The following PANK4 variants were observed in gnomAD, a reference collection of about 807,000 sequenced individuals.
PANK4 encodes the protein pantothenate kinase 4 (inactive).
In PANK4, 40 loss-of-function variants were observed where a neutral mutation model predicts 87.9. The observed-to-expected ratio is 0.46, with a 90% confidence interval of 0.35 to 0.59. PANK4 has a LOEUF of 0.59. PANK4 is among the 20% of genes least tolerant of loss of function. The probability of loss-of-function intolerance (pLI) is 0.00; values close to 1 mark genes in which losing one functional copy is unlikely to be tolerated. For missense variants in PANK4, 926 were observed against 1,072.3 expected, an observed-to-expected ratio of 0.86 and a Z score of 1.90; for synonymous variants, 524 against 467.4, an observed-to-expected ratio of 1.12 and a Z score of -1.56.
At position 2,518,166 on chromosome 1, in the gene PANK4, T is replaced by C. The variant is rs1643817057; in HGVS notation, c.1216A>G (p.Thr406Ala). The change falls in exon 9 of 19, where the codon ACT becomes GCT. Residue 406 changes from threonine (T) to alanine (A), a missense_variant and splice_region_variant. Transcript: ENST00000378466. ...GGCGGCCAGAGCCCACTACTCACAG[T>C]GCCACTCCGCGCCCGCTGCGCCGGG... ...LGPAQRARSG[T>A]FDLLEMDRLE... 1 of 1,599,714 alleles carries C rather than the reference T, an allele frequency of 6.3e-7. No homozygotes were observed. Among genetic ancestry groups the C allele is most frequent in the East Asian group, 2.2e-5 (1 of 44,804 alleles).
rs568212591 is a variant in PANK4, at chr1:2,509,342, G to A, written c.2109-282C>T. On this transcript the variant is annotated intron_variant, in intron 18 of 18. Coordinates refer to ENST00000378466, the MANE Select transcript of PANK4 (RefSeq NM_018216.4). The surrounding 1 kb of genome is among the most constrained non-coding windows in gnomAD (Gnocchi z 4.9). ...TCATTTTCACGCCCTCCTTGTTGGTGAGAGTGGGGCTGGGGCACAGATGAA... is the reference window on the plus strand; with the variant it reads ...TCATTTTCACGCCCTCCTTGTTGGTAAGAGTGGGGCTGGGGCACAGATGAA... Among the ~76,000 whole-genome samples, 104 of 152,316 alleles carry A rather than the reference G, an allele frequency of 6.8e-4. 1 individual carries two copies. The highest frequency in any genetic ancestry group is 2.5e-3 in the African/African-American group (103 of 41,556).
chr1:2,511,282 C>G, intron 15 of PANK4, 56 bp downstream of exon 15: 2 of 1,259,160 alleles, frequency 1.6e-6, no homozygotes, highest in Non-Finnish European at 2.3e-6. Flanking sequence ...CCAGTGACCA[C>G]CCCCCCGGGC....
rs768894125 is a variant in PANK4 at position 2,519,262 on chromosome 1, G to A, written c.916C>T (p.Leu306=). Residue 306 remains leucine (L), a synonymous_variant, in exon 7 of 19, where the codon CTG becomes TTG. Coordinates refer to ENST00000378466, the MANE Select transcript of PANK4 (RefSeq NM_018216.4). The surrounding 1 kb of genome is among the most constrained non-coding windows in gnomAD (Gnocchi z 8.3). ...LHMISNDIGQ[L]ACLHARLHSL... ...TGCAGCCGTGCGTGGAGGCAGGCCA[G>A]CTGCCCAATGTCGTTGCTGATCATG... 6.2e-6 allele frequency: 10 copies of A among 1,612,382 alleles called. No homozygotes were observed. In the African/African-American group the frequency reaches 6.7e-5, roughly 11 times the overall value.
At position 2,520,931 on chromosome 1, in the gene PANK4, A is replaced by G. The variant is rs1643869785; in HGVS notation, c.423-25T>C. The G allele has an allele frequency of 2.6e-6, 4 of 1,541,684 alleles. No homozygotes were observed. The East Asian group carries it at 9.0e-5, about 35-fold the overall frequency. On this transcript the variant is annotated intron_variant, in intron 3 of 18. Coordinates refer to ENST00000378466, the MANE Select transcript of PANK4 (RefSeq NM_018216.4). This position sits in a 1 kb window ranked among gnomAD's most constrained non-coding sequence, Gnocchi z 6.2. Reference sequence around the variant, plus strand: ...TCTGAAAAGGAAGCGCCAACCCCTTAAAGAGTCTGGGCCACAGACAGGTGC... The same window carrying G: ...TCTGAAAAGGAAGCGCCAACCCCTTGAAGAGTCTGGGCCACAGACAGGTGC...
rs1361489279 is a variant in PANK4, at chr1:2,519,877, G to A, written c.777C>T (p.Gly259=). The part of the protein sequence containing the change: ...NVDMLVRDVY[G]GAHQTLGLSG... ...TCAGCCCGAGAGTCTGGTGGGCGCC[G>A]CCGTAGACGTCCCGCACCAGCATGT... Residue 259 remains glycine (G), a synonymous_variant, in exon 6 of 19, where the codon GGC becomes GGT. Coordinates refer to ENST00000378466, the MANE Select transcript of PANK4 (RefSeq NM_018216.4). This position sits in a 1 kb window ranked among gnomAD's most constrained non-coding sequence, Gnocchi z 8.3. 5.1e-6 allele frequency: 8 copies of A among 1,567,524 alleles called. No individual in the cohort carries two copies. Among genetic ancestry groups the A allele is most frequent in the Middle Eastern group, 1.7e-4 (1 of 6,002 alleles).
At position 2,508,578 on chromosome 1, in the gene PANK4, G is replaced by A. The variant is rs992547668; in HGVS notation, c.*269C>T. On this transcript the variant is annotated 3_prime_UTR_variant, in exon 19 of 19. Transcript: ENST00000378466. This position sits in a 1 kb window ranked among gnomAD's most constrained non-coding sequence, Gnocchi z 5.1. ...ATTTGGTGCGTGCCCACGGTGCTGCGTCCCGTCAGACATACCTGTATAGAT... is the reference window on the plus strand; with the variant it reads ...ATTTGGTGCGTGCCCACGGTGCTGCATCCCGTCAGACATACCTGTATAGAT... The A allele has an allele frequency of 3.2e-4, 61 of 192,790 alleles. 1 individual carries two copies. Among genetic ancestry groups the A allele is most frequent in the South Asian group, 1.9e-4 (1 of 5,152 alleles). The allele number at this position is 192,790 out of a possible 1,614,324, so 11.9% of individuals were successfully genotyped here. A position where few individuals can be genotyped will look rare whatever the true frequency, so the allele number is the denominator to read the frequency against.
Position 2,520,951 on chromosome 1 carries a change from A to C in PANK4, c.423-45T>G. 1 of 1,532,016 alleles carries C rather than the reference A, an allele frequency of 6.5e-7. No individual in the cohort carries two copies. Among genetic ancestry groups the C allele is most frequent in the Admixed American group, 2.0e-5 (1 of 50,950 alleles). 94.9% of individuals were successfully genotyped at this position (1,532,016 alleles called of 1,614,324 possible). On this transcript the variant is annotated intron_variant, in intron 3 of 18. Transcript: ENST00000378466. The surrounding 1 kb of genome is among the most constrained non-coding windows in gnomAD (Gnocchi z 6.2). ...CCCTTAAAGAGTCTGGGCCACAGACAGGTGCAACCATGCAAGCCTGCCTGG... is the reference window on the plus strand; with the variant it reads ...CCCTTAAAGAGTCTGGGCCACAGACCGGTGCAACCATGCAAGCCTGCCTGG...
chr1:2,513,930 C>T, intron 12 of PANK4, 72 bp downstream of exon 12: 1 of 1,155,430 alleles, frequency 8.7e-7, no homozygotes, highest in Non-Finnish European at 1.3e-6. Flanking sequence ...GCCAGCGGGA[C>T]AGAGACAGGA....
At chr1:2,513,934 G>A in intron 12 of PANK4, 68 bp downstream of exon 12, 1 of 1,190,864 alleles carries the variant, frequency 8.4e-7, no homozygotes, top group South Asian at 1.2e-5. Context: ...GCGGGACAGA[G>A]ACAGGACACG....
Position 2,519,152 on chromosome 1 carries a change from G to A in PANK4, c.1026C>T (p.Phe342=), listed in dbSNP as rs749527988. 1.7e-5 allele frequency: 28 copies of A among 1,611,760 alleles called. No individual in the cohort carries two copies. Among genetic ancestry groups the A allele is most frequent in the Non-Finnish European group, 2.1e-5 (25 of 1,179,446 alleles). ...TMRTITYSIN[F]FSKGEVQALF... ...GCGGCGCATCCGTTACCTTGGAGAAGAAGTTGATGCTATAGGTGATGGTGC... is the reference window on the plus strand; with the variant it reads ...GCGGCGCATCCGTTACCTTGGAGAAAAAGTTGATGCTATAGGTGATGGTGC... The change falls in exon 7 of 19, where the codon TTC becomes TTT. Residue 342 remains phenylalanine, a synonymous_variant. Transcript: ENST00000378466. This position sits in a 1 kb window ranked among gnomAD's most constrained non-coding sequence, Gnocchi z 8.3.
chr1:2,526,386 GCCGCCCCCGCTCGCCGGCCCA>G, intron 1 of PANK4, 57 bp downstream of exon 1: 1 of 551,242 alleles, frequency 1.8e-6, no homozygotes, highest in Non-Finnish European at 2.3e-6. Flanking sequence ...CGTCCTTCCC[GCCGCCCCCGCTCGCCGGCCCA>G]CCGCCGGCGC....
Position 2,509,641 on chromosome 1 carries a change from C to T in PANK4, c.2108+221G>A, listed in dbSNP as rs1643626192. ...TCTTGCCCCAAGTCCCCAAACCCAG[C>T]CCATGTGTAACCACCTCAGACCCTG... On this transcript the variant is annotated intron_variant, in intron 18 of 18. Coordinates refer to ENST00000378466, the MANE Select transcript of PANK4 (RefSeq NM_018216.4). The surrounding 1 kb of genome is among the most constrained non-coding windows in gnomAD (Gnocchi z 4.9). 6.6e-6 allele frequency among the ~76,000 whole-genome samples: 1 copy of T among 152,334 alleles called. No homozygotes were observed. Among genetic ancestry groups the T allele is most frequent in the East Asian group, 1.9e-4 (1 of 5,182 alleles).
Position 2,520,701 on chromosome 1 carries a change from C to A in PANK4, c.606+22G>T. ...ACTATGGCTAAACCATCCACTCATT[C>A]ATTCATGAAGCCGGGTCTTACCTTC... On this transcript the variant is annotated intron_variant, in intron 4 of 18. Transcript: ENST00000378466. This position sits in a 1 kb window ranked among gnomAD's most constrained non-coding sequence, Gnocchi z 6.2. The A allele has an allele frequency of 6.2e-7, 1 of 1,603,992 alleles. No homozygotes were observed. The highest frequency in any genetic ancestry group is 8.5e-7 in the Non-Finnish European group (1 of 1,173,040).
At chr1:2,521,572 G>A in intron 2 of PANK4, 146 bp downstream of exon 2, 3 of 780,184 alleles carry the variant, frequency 3.8e-6, no homozygotes, top group Middle Eastern at 2.3e-4. Context: ...CACGGCGGAA[G>A]GCAGGGGAGG....
At chr1:2,521,366 C>G (rs372491273) in intron 2 of PANK4, 51 bp from the exon 3 acceptor site, 8 of 1,417,018 alleles carry the variant, frequency 5.6e-6, no homozygotes, top group Non-Finnish European at 8.0e-6. Flanking sequence ...CCGCGCCGGG[C>G]TGGGCTGTGC....
Position 2,515,589 on chromosome 1 carries a change from G to A in PANK4, c.1347C>T (p.Leu449=), listed in dbSNP as rs201082851. ...TDDALARKYW[L]TCFEEALDGV... ...CGTCCAGGGCCTCCTCAAAGCAGGT[G>A]AGCCAGTATTTTCGGGCCAGAGCGT... Residue 449 remains leucine, a synonymous_variant, in exon 10 of 19, where the codon CTC becomes CTT. Coordinates refer to ENST00000378466, the MANE Select transcript of PANK4 (RefSeq NM_018216.4). The surrounding 1 kb of genome is among the most constrained non-coding windows in gnomAD (Gnocchi z 5.0). 6.2e-6 allele frequency: 10 copies of A among 1,613,026 alleles called. No homozygotes were observed. Among genetic ancestry groups the A allele is most frequent in the African/African-American group, 1.3e-5 (1 of 74,948 alleles).
Position 2,519,699 on chromosome 1 carries a change from G to A in PANK4, c.853+102C>T, listed in dbSNP as rs1469401828. ...TGACACCCAAGACCCCGACTCTCCA[G>A]GGAGCAGTTGTGGGAAAGCAATGGT... On this transcript the variant is annotated intron_variant, in intron 6 of 18. Coordinates refer to ENST00000378466, the MANE Select transcript of PANK4 (RefSeq NM_018216.4). The surrounding 1 kb of genome is among the most constrained non-coding windows in gnomAD (Gnocchi z 8.3). The A allele has an allele frequency of 8.1e-6, 10 of 1,240,540 alleles. No homozygotes were observed. Among genetic ancestry groups the A allele is most frequent in the African/African-American group, 1.5e-5 (1 of 66,182 alleles). The allele number at this position is 1,240,540 out of a possible 1,614,324, so 76.8% of individuals were successfully genotyped here. A position where few individuals can be genotyped will look rare whatever the true frequency, so the allele number is the denominator to read the frequency against.
rs1298421599 is a variant in PANK4 at position 2,510,154 on chromosome 1, T to C, written c.1942A>G (p.Ile648Val). Residue 648 changes from isoleucine (I) to valine (V), a missense_variant, in exon 17 of 19, where the codon ATC (isoleucine) becomes GTC (valine). Physicochemically the swap from Ile to Val is conservative, Grantham distance 29. Transcript: ENST00000378466. The surrounding 1 kb of genome is among the most constrained non-coding windows in gnomAD (Gnocchi z 4.9). ...RELLLRGTEV[I>V]LACNSGPALN... ...GCGGGGCCTGAGTTGCACGCCAGGA[T>C]GACCTGCAGGAGGAGGGCCCAGGCT... 1 of 1,597,014 alleles carries C rather than the reference T, an allele frequency of 6.3e-7. No homozygotes were observed. The highest frequency in any genetic ancestry group is 1.3e-5 in the African/African-American group (1 of 74,476).
At chr1:2,524,462 T>C (rs1478534942) in intron 1 of PANK4, among the ~76,000 whole-genome samples, 2 of 152,146 alleles carry the variant, frequency 1.3e-5, no homozygotes, top group East Asian at 3.9e-4. Context: ...CAGGTCCTCT[T>C]AAGAACCAGA....
Sources: gnomAD v4.1 joint callset for allele counts (sites outside exome capture counted in the v4.1 genomes callset) on GRCh38, gnomAD v4.1.1 for gene constraint, Gnocchi (gnomAD v3.1) non-coding constraint, MANE v1.5 for transcripts, NCBI Gene and HGNC (gene_info 2026-07-23, HGNC 2026-07-21) for gene names.